Variants in TAFA1 observed in about 807,000 individuals in gnomAD.
The protein encoded by TAFA1 is chemokine-like protein TAFA-1.
Under a neutral mutation model 18.5 loss-of-function variants are expected in TAFA1, and 4 were observed. The observed-to-expected ratio is 0.22, with a 90% CI of 0.11 to 0.49. The LOEUF is 0.49. Among genes scored for constraint, TAFA1 ranks in the 20% least tolerant of loss-of-function variants. The pLI, the probability that TAFA1 is intolerant of heterozygous loss-of-function variation, is 0.98. For missense variants in TAFA1, 147 were observed against 169.0 expected (o/e 0.87, Z 0.72); for synonymous variants, 56 against 55.2 (o/e 1.01, Z -0.06).
In TAFA1 at chr3:68,153,966, G is replaced by T. The variant is rs574061518; in HGVS notation, c.118+147222G>T. Among the ~76,000 whole-genome samples, 75 of 152,200 alleles carry T rather than the reference G, an allele frequency of 4.9e-4. 1 individual carries two copies. The highest frequency in any genetic ancestry group is 3.4e-3 in the Middle Eastern group (1 of 294). On this transcript the variant is annotated intron_variant, in intron 2 of 4. Coordinates refer to ENST00000478136, the MANE Select transcript of TAFA1 (RefSeq NM_213609.4). ...TGTTTTCTAACTCCCATCCTTTAGG[G>T]ATGATGAAAAATCCTATGTCAGGCC...
chr3:68,461,360 CATAT>C (rs5849840), intron 3 of TAFA1, among the ~76,000 whole-genome samples: 1,222 of 106,620 alleles, frequency 0.011, 70 homozygotes, highest in African/African-American at 0.048. Context: ...AATGAAAGTG[CATAT>C]ATATATATAT....
intron 2 of TAFA1, among the ~76,000 whole-genome samples, chr3:68,021,185 CAAAAA>C (rs10610707): frequency 0.027 from 1,495 of 56,024 alleles, 44 homozygotes; most frequent in African/African-American, 0.095. Flanking sequence ...GACCCTGTCT[CAAAAA>C]AAAAAAAAAA....
At chr3:68,432,697 G>T (rs889879818) in intron 3 of TAFA1, among the ~76,000 whole-genome samples, 3 of 151,968 alleles carry the variant, frequency 2.0e-5, no homozygotes, top group Non-Finnish European at 4.4e-5. Context: ...CAGAAGTGAA[G>T]GTACTGAGGA....
chr3:68,170,784 G>T (rs996197770), intron 2 of TAFA1, among the ~76,000 whole-genome samples: 6 of 151,864 alleles, frequency 4.0e-5, no homozygotes, highest in Non-Finnish European at 5.9e-5. Flanking sequence ...AGGAAAATTT[G>T]TTCAATCACT....
At chr3:68,314,213 G>A (rs758925431) in intron 2 of TAFA1, among the ~76,000 whole-genome samples, 10 of 152,130 alleles carry the variant, frequency 6.6e-5, no homozygotes, top group Non-Finnish European at 1.2e-4. Context: ...GGTCCAATTA[G>A]GTAGCGATAG....
intron 2 of TAFA1, among the ~76,000 whole-genome samples, chr3:68,031,937 C>T (rs756948832): frequency 5.9e-5 from 9 of 152,096 alleles, no homozygotes; most frequent in Admixed American, 3.3e-4. Flanking sequence ...GTAAATTATA[C>T]GGATTTGAAT....
chr3:67,992,854 C>T, the TAFA1 span, among the ~76,000 whole-genome samples: 1 of 152,160 alleles, frequency 6.6e-6, no homozygotes, highest in Admixed American at 6.5e-5. Flanking sequence ...TAAAAGTAGC[C>T]ACCACTATAA....
At chr3:68,452,522 C>CAAAA (rs10663334) in intron 3 of TAFA1, among the ~76,000 whole-genome samples, 18 of 113,314 alleles carry the variant, frequency 1.6e-4, no homozygotes, top group East Asian at 7.8e-4. Context: ...AACTCTCTCT[C>CAAAA]AAAAAAAAAA....
At chr3:68,253,219 A>G (rs1245922771) in intron 2 of TAFA1, among the ~76,000 whole-genome samples, 1 of 152,204 alleles carries the variant, frequency 6.6e-6, no homozygotes, top group African/African-American at 2.4e-5. Context: ...TGGACATAGC[A>G]CTCGATAAAG....
chr3:68,164,648 T>TGTGTGTGC (rs1559543743), intron 2 of TAFA1, among the ~76,000 whole-genome samples: 1 of 151,904 alleles, frequency 6.6e-6, no homozygotes, highest in Non-Finnish European at 1.5e-5. Context: ...TGTGTGTGTG[T>TGTGTGTGC]GTGTGTGTGT....
At chr3:68,016,985 A>G (rs188171486) in intron 2 of TAFA1, among the ~76,000 whole-genome samples, 1 of 152,342 alleles carries the variant, frequency 6.6e-6, no homozygotes, top group African/African-American at 2.4e-5. Context: ...AGATATTTCA[A>G]CTACTGAGTG....
At chr3:68,088,404 C>T (rs59728287) in intron 2 of TAFA1, among the ~76,000 whole-genome samples, 8,530 of 152,146 alleles carry the variant, frequency 0.056, 409 homozygotes, top group African/African-American at 0.13. Context: ...TGTGACATCA[C>T]GTATAAAGCA....
chr3:68,183,014 C>A (rs2066223361), intron 2 of TAFA1, among the ~76,000 whole-genome samples: 1 of 152,122 alleles, frequency 6.6e-6, no homozygotes. Flanking sequence ...TCAACCAACC[C>A]TCCCAAATAA....
chr3:68,330,784 A>T (rs1366117847), intron 2 of TAFA1, among the ~76,000 whole-genome samples: 1 of 152,196 alleles, frequency 6.6e-6, no homozygotes, highest in Non-Finnish European at 1.5e-5. Flanking sequence ...TAGCTTTGAG[A>T]TATTTACCTG....
intron 2 of TAFA1, among the ~76,000 whole-genome samples, chr3:68,151,187 C>T (rs1342269116): frequency 2.0e-5 from 3 of 152,158 alleles, no homozygotes; most frequent in African/African-American, 7.2e-5. Context: ...ATAGCCATAA[C>T]TGTTACACAA....
At chr3:68,007,895 C>T (rs375919449) in intron 2 of TAFA1, among the ~76,000 whole-genome samples, 4 of 152,254 alleles carry the variant, frequency 2.6e-5, no homozygotes, top group Admixed American at 2.0e-4. Flanking sequence ...TTGCTGCCTC[C>T]TGGGGCTCAG....
At chr3:68,273,807 C>T (rs1164636045) in intron 2 of TAFA1, among the ~76,000 whole-genome samples, 1 of 152,172 alleles carries the variant, frequency 6.6e-6, no homozygotes, top group African/African-American at 2.4e-5. Flanking sequence ...AGTCTTATCC[C>T]TGGCTGTGTG....
intron 2 of TAFA1, among the ~76,000 whole-genome samples, chr3:68,363,879 C>T (rs963130154): frequency 3.3e-5 from 5 of 152,180 alleles, no homozygotes; most frequent in African/African-American, 7.2e-5. Context: ...TACAACATTG[C>T]GAACATAAGT....
At chr3:68,482,234 T>G (rs1271115717) in intron 3 of TAFA1, among the ~76,000 whole-genome samples, 1 of 152,130 alleles carries the variant, frequency 6.6e-6, no homozygotes, top group Admixed American at 6.6e-5. Context: ...ATGGTTTCGA[T>G]CTGACCTCGT....
Sources: gnomAD v4.1 joint callset for allele counts (sites outside exome capture counted in the v4.1 genomes callset) on GRCh38, gnomAD v4.1.1 for gene constraint, MANE v1.5 for transcripts, NCBI Gene and HGNC (gene_info 2026-07-23, HGNC 2026-07-21) for gene names.